Variants in PEPD observed in about 807,000 individuals in gnomAD.
PEPD encodes peptidase D.
A neutral mutation model predicts 60.7 loss-of-function variants in PEPD; 53 were observed. That is an observed-to-expected ratio of 0.87 (90% CI 0.70 to 1.10). The LOEUF is 1.10. Among genes scored for constraint, PEPD ranks in the 50% least tolerant of loss-of-function variants. The probability of loss-of-function intolerance (pLI) is 0.00; values close to 1 mark genes in which losing one functional copy is unlikely to be tolerated. For missense variants in PEPD, 711 were observed against 711.9 expected, an observed-to-expected ratio of 1.00 and a Z score of 0.01; for synonymous variants, 267 against 284.1, an observed-to-expected ratio of 0.94 and a Z score of 0.60.
chr19:33,471,594 T>G (rs916029023), intron 7 of PEPD, among the ~76,000 whole-genome samples: 1 of 152,088 alleles, frequency 6.6e-6, no homozygotes, highest in Non-Finnish European at 1.5e-5. Context: ...AGGGGATGTG[T>G]GGGGTGGTTG....
intron 7 of PEPD, among the ~76,000 whole-genome samples, chr19:33,474,987 A>C (rs1767814347): frequency 8.6e-6 from 1 of 116,350 alleles, no homozygotes; most frequent in Non-Finnish European, 2.3e-5. Flanking sequence ...CTCTTAAAAA[A>C]AAAAAAAAAA....
intron 11 of PEPD, among the ~76,000 whole-genome samples, chr19:33,406,969 C>A (rs1388865560): frequency 6.6e-6 from 1 of 152,180 alleles, no homozygotes; most frequent in East Asian, 1.9e-4. Context: ...AAGACCAGGC[C>A]CAGCAGGGGT....
At chr19:33,392,718 C>G (rs139528399) in intron 12 of PEPD, among the ~76,000 whole-genome samples, 14 of 152,324 alleles carry the variant, frequency 9.2e-5, no homozygotes, top group African/African-American at 3.1e-4. Context: ...TGCATGGTCC[C>G]GATCACTGCT....
At chr19:33,479,808 T>C (rs1970282502) in intron 6 of PEPD, among the ~76,000 whole-genome samples, 1 of 152,258 alleles carries the variant, frequency 6.6e-6, no homozygotes, top group South Asian at 2.1e-4. Flanking sequence ...ACATTTTCTT[T>C]ATCCAGTCTA....
At chr19:33,502,108 G>A (rs1970724037) in intron 3 of PEPD, among the ~76,000 whole-genome samples, 1 of 152,192 alleles carries the variant, frequency 6.6e-6, no homozygotes, top group African/African-American at 2.4e-5. Flanking sequence ...CAATGTCTCT[G>A]TTAGTGACAG....
In PEPD at chr19:33,454,498, C is replaced by A. The variant is rs147585356; in HGVS notation, c.671+8497G>T. 3.8e-3 allele frequency among the ~76,000 whole-genome samples: 573 copies of A among 151,702 alleles called. 4 individuals are homozygous for A. The highest frequency in any genetic ancestry group is 0.013 in the African/African-American group (550 of 41,334). ...GCACCTGTAACCCCAGCTACTCGAG[C>A]GGCTGAAGCAGGAGAATCATTTGAG... On this transcript the variant is annotated intron_variant, in intron 9 of 14. Coordinates refer to ENST00000244137, the MANE Select transcript of PEPD (RefSeq NM_000285.4).
chr19:33,463,991 C>T lies in PEPD; in HGVS notation c.620G>A (p.Arg207His), dbSNP rs760791817. The change falls in exon 8 of 15, where the codon CGT becomes CAT. Residue 207 changes from arginine (R) to histidine (H), a missense_variant. Coordinates refer to ENST00000244137, the MANE Select transcript of PEPD (RefSeq NM_000285.4). Reference sequence around the variant, plus strand: ...CAGAGCCGGTGCCTGACTTACCTCACGGTGGGCCTCGCTGGAGATTTTATT... The same window carrying T: ...CAGAGCCGGTGCCTGACTTACCTCATGGTGGGCCTCGCTGGAGATTTTATT... ...YTNKISSEAH[R>H]EVMKAVKVGM... The T allele has an allele frequency of 9.9e-5, 159 of 1,607,412 alleles. No individual in the cohort carries two copies. The highest frequency in any genetic ancestry group is 1.3e-4 in the Non-Finnish European group (147 of 1,175,064).
At position 33,463,999 on chromosome 19, in the gene PEPD, C is replaced by T; in HGVS notation, c.612G>A (p.Glu204=). Residue 204 remains glutamate, a synonymous_variant, in exon 8 of 15, where the codon GAG becomes GAA. Transcript: ENST00000244137. ...VLRYTNKISS[E]AHREVMKAVK... ...GTGCCTGACTTACCTCACGGTGGGC[C>T]TCGCTGGAGATTTTATTGGTATAGC... 6.2e-7 allele frequency: 1 copy of T among 1,611,130 alleles called. No individual in the cohort carries two copies. Among genetic ancestry groups the T allele is most frequent in the Non-Finnish European group, 8.5e-7 (1 of 1,178,018 alleles).
At chr19:33,514,324 C>T (rs563842844) in intron 1 of PEPD, among the ~76,000 whole-genome samples, 3 of 152,182 alleles carry the variant, frequency 2.0e-5, no homozygotes, top group East Asian at 2.0e-4. Context: ...CAGCACAGCA[C>T]GGTGAAGTGG....
chr19:33,391,377 G>C lies in PEPD; in HGVS notation c.1070C>G (p.Ala357Gly), dbSNP rs985170476. 3 of 1,606,906 alleles carry C rather than the reference G, an allele frequency of 1.9e-6. No individual in the cohort carries two copies. The Admixed American group carries it at 5.1e-5, about 27-fold the overall frequency. The change falls in exon 13 of 15, where the codon GCT becomes GGT. Residue 357 changes from alanine to glycine, a missense_variant. Coordinates refer to ENST00000244137, the MANE Select transcript of PEPD (RefSeq NM_000285.4). ...AGGCATAAACACGGCCCCCAGGTGA[G>C]CCTGGACCATGGCGTCCACGCTGCC... Reference protein sequence around the residue: ...LSGSVDAMVQAHLGAVFMPHG... With the variant: ...LSGSVDAMVQGHLGAVFMPHG...
intron 9 of PEPD, 78 bp from the exon 10 acceptor site, chr19:33,413,721 G>A: frequency 9.1e-6 from 8 of 877,802 alleles, no homozygotes; most frequent in Non-Finnish European, 1.5e-5. Context: ...GAACCCCAAG[G>A]GAAGGCCCTC....
At chr19:33,496,835 G>A (rs117911194) in intron 4 of PEPD, among the ~76,000 whole-genome samples, 7 of 128,340 alleles carry the variant, frequency 5.5e-5, no homozygotes, top group Admixed American at 5.2e-4. Flanking sequence ...GGGACAATCA[G>A]AGGCTTCCCA....
intron 4 of PEPD, among the ~76,000 whole-genome samples, chr19:33,496,950 G>T (rs574129452): frequency 1.3e-5 from 2 of 152,278 alleles, no homozygotes; most frequent in African/African-American, 4.8e-5. Context: ...CTTTGCCAGC[G>T]CTGGGAAAGC....
chr19:33,409,137 C>A (rs1056761238), intron 11 of PEPD, among the ~76,000 whole-genome samples: 1 of 152,226 alleles, frequency 6.6e-6, no homozygotes, highest in African/African-American at 2.4e-5. Flanking sequence ...TATGCCAGGA[C>A]CCTCTCCGGG....
At chr19:33,402,947 G>C (rs1222777862) in intron 11 of PEPD, among the ~76,000 whole-genome samples, 2 of 152,232 alleles carry the variant, frequency 1.3e-5, no homozygotes, top group African/African-American at 4.8e-5. Context: ...GGGCCCGGAA[G>C]GAGTAGGGCC....
intron 13 of PEPD, among the ~76,000 whole-genome samples, chr19:33,390,696 G>T (rs1051190682): frequency 6.6e-6 from 1 of 152,240 alleles, no homozygotes; most frequent in African/African-American, 2.4e-5. Context: ...CTGAGGGCCG[G>T]GGAACCTTGT....
At chr19:33,506,679 C>A (rs989376712) in intron 3 of PEPD, among the ~76,000 whole-genome samples, 14 of 143,790 alleles carry the variant, frequency 9.7e-5, no homozygotes, top group Non-Finnish European at 2.0e-4. Context: ...ACCCTACACA[C>A]CTCACACACC....
chr19:33,435,273 G>T (rs977885517), intron 9 of PEPD, among the ~76,000 whole-genome samples: 1 of 152,020 alleles, frequency 6.6e-6, no homozygotes, highest in Non-Finnish European at 1.5e-5. Flanking sequence ...AAGCCACAGG[G>T]AGCCTCAGCT....
At position 33,463,987 on chromosome 19, in the gene PEPD, C is replaced by T; in HGVS notation, c.624G>A (p.Glu208=). 8.7e-6 allele frequency: 14 copies of T among 1,606,588 alleles called. No individual in the cohort carries two copies. Among genetic ancestry groups the T allele is most frequent in the Non-Finnish European group, 1.2e-5 (14 of 1,174,316 alleles). The part of the protein sequence containing the change: ...TNKISSEAHR[E]VMKAVKVGMK... ...CAACCAGAGCCGGTGCCTGACTTAC[C>T]TCACGGTGGGCCTCGCTGGAGATTT... The change falls in exon 8 of 15, where the codon GAG becomes GAA. Residue 208 remains glutamate (E), a splice_region_variant and synonymous_variant. Coordinates refer to ENST00000244137, the MANE Select transcript of PEPD (RefSeq NM_000285.4).
Sources: gnomAD v4.1 joint callset for allele counts (sites outside exome capture counted in the v4.1 genomes callset) on GRCh38, gnomAD v4.1.1 for gene constraint, MANE v1.5 for transcripts, NCBI Gene and HGNC (gene_info 2026-07-23, HGNC 2026-07-21) for gene names.